Variants in GALNT18 observed in about 807,000 individuals in gnomAD.
GALNT18 encodes polypeptide N-acetylgalactosaminyltransferase 18.
In GALNT18, 44 loss-of-function variants were observed where a neutral mutation model predicts 69.5. That is an observed-to-expected ratio of 0.63 (90% CI 0.50 to 0.81). The LOEUF is 0.81. Among genes scored for constraint, GALNT18 ranks in the 40% least tolerant of loss-of-function variants. GALNT18 has a pLI of 0.00. For synonymous variants in GALNT18, 364 were observed against 318.2 expected (o/e 1.14, Z -1.53); for missense variants, 715 against 810.0 (o/e 0.88, Z 1.42).
Position 11,415,711 on chromosome 11 carries a change from C to T in GALNT18, c.595+16910G>A, listed in dbSNP as rs577874519. Among the ~76,000 whole-genome samples the T allele has an allele frequency of 2.0e-5, 3 of 152,272 alleles. No individual in the cohort carries two copies. Among genetic ancestry groups the T allele is most frequent in the South Asian group, 2.1e-4 (1 of 4,824 alleles). Reference sequence around the variant, plus strand: ...GAACAGAAAAGACAGAATCTATCTCCCACCCACACCTATGCGTCTTCCCAC... The same window carrying T: ...GAACAGAAAAGACAGAATCTATCTCTCACCCACACCTATGCGTCTTCCCAC... On this transcript the variant is annotated intron_variant, in intron 3 of 10. Coordinates refer to ENST00000227756, the MANE Select transcript of GALNT18 (RefSeq NM_198516.3). The surrounding 1 kb of genome is among the most constrained non-coding windows in gnomAD (Gnocchi z 4.1).
At chr11:11,475,636 C>T (rs769238405) in intron 1 of GALNT18, 6 of 152,236 alleles carry the variant, frequency 3.9e-5, no homozygotes, top group Non-Finnish European at 5.9e-5. Context: ...TAAGTGCTTA[C>T]GGTACCCAAC....
At chr11:11,433,968 G>A (rs1855338252) in intron 2 of GALNT18, among the ~76,000 whole-genome samples, 1 of 152,088 alleles carries the variant, frequency 6.6e-6, no homozygotes, top group Non-Finnish European at 1.5e-5. Flanking sequence ...GTCAGAACAT[G>A]CAATAATGAG....
intron 3 of GALNT18, among the ~76,000 whole-genome samples, chr11:11,394,051 T>C (rs1474886873): frequency 1.3e-5 from 2 of 152,176 alleles, no homozygotes; most frequent in African/African-American, 4.8e-5. Context: ...ACTCGCAGTT[T>C]AGTGGGAAGA....
intron 3 of GALNT18, among the ~76,000 whole-genome samples, chr11:11,401,029 C>T (rs138559456): frequency 9.8e-4 from 149 of 152,166 alleles, no homozygotes; most frequent in African/African-American, 3.2e-3. Flanking sequence ...TGCTTGGATA[C>T]GGGACACAGG....
chr11:11,550,031 G>C (rs1176046953), intron 1 of GALNT18, among the ~76,000 whole-genome samples: 1 of 152,220 alleles, frequency 6.6e-6, no homozygotes, highest in Non-Finnish European at 1.5e-5. Context: ...CCATTGAAAA[G>C]GCAGCCTGTG....
chr11:11,276,157 C>T (rs995527310), intron 10 of GALNT18, among the ~76,000 whole-genome samples: 2 of 152,144 alleles, frequency 1.3e-5, no homozygotes, highest in Non-Finnish European at 2.9e-5. Flanking sequence ...ATTCTTCCCA[C>T]CCATGAGCGT....
At chr11:11,518,902 C>A (rs1368173229) in intron 1 of GALNT18, among the ~76,000 whole-genome samples, 1 of 152,226 alleles carries the variant, frequency 6.6e-6, no homozygotes, top group Non-Finnish European at 1.5e-5. Flanking sequence ...CTGGCTGTGG[C>A]TATGCCAGCA....
At position 11,314,969 on chromosome 11, in the gene GALNT18, A is replaced by C. The variant is rs563281462; in HGVS notation, c.1512+12117T>G. Reference sequence around the variant, plus strand: ...TGAGCCAAATGAGGATAAGCTGGCAAGGTGGTTTTAAGATTACATCAACTG... The same window carrying C: ...TGAGCCAAATGAGGATAAGCTGGCACGGTGGTTTTAAGATTACATCAACTG... On this transcript the variant is annotated intron_variant, in intron 9 of 10. Coordinates refer to ENST00000227756, the MANE Select transcript of GALNT18 (RefSeq NM_198516.3). The surrounding 1 kb of genome is among the most constrained non-coding windows in gnomAD (Gnocchi z 5.2). 6.6e-6 allele frequency among the ~76,000 whole-genome samples: 1 copy of C among 152,230 alleles called. No homozygotes were observed. Among genetic ancestry groups the C allele is most frequent in the Admixed American group, 6.5e-5 (1 of 15,296 alleles).
chr11:11,367,840 G>A (rs1421563509), intron 6 of GALNT18, among the ~76,000 whole-genome samples: 2 of 152,158 alleles, frequency 1.3e-5, no homozygotes, highest in African/African-American at 4.8e-5. Flanking sequence ...TTGCATACAT[G>A]TATGTACTTT....
rs1849825268 is a variant in GALNT18 at position 11,320,553 on chromosome 11, C to T, written c.1512+6533G>A. Among the ~76,000 whole-genome samples the T allele has an allele frequency of 6.6e-6, 1 of 152,224 alleles. No homozygotes were observed. The highest frequency in any genetic ancestry group is 1.5e-5 in the Non-Finnish European group (1 of 68,028). On this transcript the variant is annotated intron_variant, in intron 9 of 10. Transcript: ENST00000227756. This position sits in a 1 kb window ranked among gnomAD's most constrained non-coding sequence, Gnocchi z 4.9. ...TTTGGGGTCCTCACCTGTCCACAGT[C>T]TCCTTCTGAGATGTACCCTGACTTC...
intron 9 of GALNT18, among the ~76,000 whole-genome samples, chr11:11,296,166 T>C (rs1849397379): frequency 6.6e-6 from 1 of 152,144 alleles, no homozygotes; most frequent in Admixed American, 6.5e-5. Flanking sequence ...ATGGTCCCTG[T>C]CCTGGAGAAG....
At chr11:11,274,867 A>G (rs952809595) in intron 10 of GALNT18, among the ~76,000 whole-genome samples, 1 of 152,228 alleles carries the variant, frequency 6.6e-6, no homozygotes, top group East Asian at 1.9e-4. Flanking sequence ...AGCTTCATCC[A>G]TGGGACATGA....
chr11:11,271,365 TGGCTGGTGAG>T (rs1291241751), intron 10 of GALNT18, 75 bp from the exon 11 acceptor site: 6 of 1,501,588 alleles, frequency 4.0e-6, no homozygotes, highest in Non-Finnish European at 5.5e-6. Flanking sequence ...TCAGGCCAAG[TGGCTGGTGAG>T]GGCTGACATT....
chr11:11,527,832 G>A (rs1471300391), intron 1 of GALNT18, among the ~76,000 whole-genome samples: 13 of 152,188 alleles, frequency 8.5e-5, no homozygotes. Context: ...ACTGTGAATA[G>A]TAAGAGACTG....
chr11:11,407,210 T>C (rs115070512), intron 3 of GALNT18, among the ~76,000 whole-genome samples: 3,955 of 152,286 alleles, frequency 0.026, 162 homozygotes, highest in African/African-American at 0.09. Flanking sequence ...TGCCTGAGGA[T>C]GGCTGTGGAT....
chr11:11,301,812 G>A (rs1849499624), intron 9 of GALNT18, among the ~76,000 whole-genome samples: 2 of 152,166 alleles, frequency 1.3e-5, no homozygotes, highest in Non-Finnish European at 2.9e-5. Context: ...AAGAGCGGGA[G>A]CCCCTCCCTC....
At position 11,617,925 on chromosome 11, in the gene GALNT18, C is replaced by CT. The variant is rs1189375868; in HGVS notation, c.235+3433dup. Reference sequence around the variant, plus strand: ...TTTGTGTTTCTAAACCCCCAGGATGCTTTTTTTAAAAACTCATAAGTTATC... The same window carrying CT: ...TTTGTGTTTCTAAACCCCCAGGATGCTTTTTTTTAAAAACTCATAAGTTATC... On this transcript the variant is annotated intron_variant, in intron 1 of 10. Coordinates refer to ENST00000227756, the MANE Select transcript of GALNT18 (RefSeq NM_198516.3). The surrounding 1 kb of genome is among the most constrained non-coding windows in gnomAD (Gnocchi z 4.7). 6.6e-6 allele frequency among the ~76,000 whole-genome samples: 1 copy of CT among 152,088 alleles called. No homozygotes were observed. Among genetic ancestry groups the CT allele is most frequent in the Admixed American group, 6.6e-5 (1 of 15,264 alleles).
intron 9 of GALNT18, among the ~76,000 whole-genome samples, chr11:11,295,755 T>C (rs892159347): frequency 1.3e-5 from 2 of 152,170 alleles, no homozygotes; most frequent in African/African-American, 2.4e-5. Flanking sequence ...TGGTAATTGA[T>C]ATCAAAATGA....
At chr11:11,552,969 G>C (rs1858236957) in intron 1 of GALNT18, among the ~76,000 whole-genome samples, 1 of 152,166 alleles carries the variant, frequency 6.6e-6, no homozygotes, top group African/African-American at 2.4e-5. Context: ...TCCCATGCAA[G>C]GGTCTCAGCC....
Sources: gnomAD v4.1 joint callset for allele counts (sites outside exome capture counted in the v4.1 genomes callset) on GRCh38, gnomAD v4.1.1 for gene constraint, Gnocchi (gnomAD v3.1) non-coding constraint, MANE v1.5 for transcripts, NCBI Gene and HGNC (gene_info 2026-07-23, HGNC 2026-07-21) for gene names.